Variants in CTNNA1 observed in about 807,000 individuals in gnomAD.
CTNNA1 encodes the protein catenin alpha-1.
Under a neutral mutation model 98.4 loss-of-function variants are expected in CTNNA1, and 37 were observed. The ratio of observed to expected loss-of-function variants is 0.38; its 90% confidence interval spans 0.29 to 0.49. CTNNA1 has a LOEUF of 0.49. CTNNA1 is among the 20% of genes least tolerant of loss of function. The pLI is 0.95. For missense variants in CTNNA1, 761 were observed against 1,147.2 expected, an observed-to-expected ratio of 0.66 and a Z score of 4.86; for synonymous variants, 404 against 413.2, an observed-to-expected ratio of 0.98 and a Z score of 0.27.
intron 5 of CTNNA1, among the ~76,000 whole-genome samples, chr5:138,815,690 T>G (rs2149747207): frequency 6.6e-6 from 1 of 152,164 alleles, no homozygotes; most frequent in East Asian, 1.9e-4. Flanking sequence ...TTATTCTATT[T>G]TTTTCTGCCA....
At chr5:138,782,541 G>A (rs1487277375) in intron 2 of CTNNA1, 2 of 194,248 alleles carry the variant, frequency 1.0e-5, no homozygotes, top group Non-Finnish European at 2.2e-5. Context: ...GAGAGATTCA[G>A]AGAGAGAGAG....
At chr5:138,758,307 T>C (rs2149570408) in intron 1 of CTNNA1, among the ~76,000 whole-genome samples, 1 of 152,280 alleles carries the variant, frequency 6.6e-6, no homozygotes. Context: ...GTTCATGCCG[T>C]TCTCCTGCCT....
chr5:138,788,562 A>T (rs1253416870), intron 3 of CTNNA1, among the ~76,000 whole-genome samples: 1 of 152,052 alleles, frequency 6.6e-6, no homozygotes, highest in African/African-American at 2.4e-5. Flanking sequence ...CCCAAAAGAA[A>T]CCTCATACTC....
At chr5:138,858,127 AAT>A (rs1491581045) in intron 7 of CTNNA1, among the ~76,000 whole-genome samples, 50 of 112,620 alleles carry the variant, frequency 4.4e-4, no homozygotes, top group Non-Finnish European at 1.2e-4. Context: ...AGTTAAAAAA[AAT>A]TTTTTTTTTT....
chr5:138,803,489 A>G (rs1416333891), intron 3 of CTNNA1, among the ~76,000 whole-genome samples: 2 of 152,162 alleles, frequency 1.3e-5, no homozygotes, highest in Admixed American at 6.5e-5. Flanking sequence ...AGTCTTATTT[A>G]TAACTTACTT....
chr5:138,877,354 C>T (rs1475835992), intron 7 of CTNNA1, among the ~76,000 whole-genome samples: 2 of 152,156 alleles, frequency 1.3e-5, no homozygotes, highest in Admixed American at 1.3e-4. Flanking sequence ...GGGTCTCTCA[C>T]CCTAGGTTTC....
chr5:138,912,958 C>T (rs1760967172), intron 10 of CTNNA1, among the ~76,000 whole-genome samples: 1 of 151,954 alleles, frequency 6.6e-6, no homozygotes, highest in South Asian at 2.1e-4. Context: ...TATAGGTTGA[C>T]GTCTCCCATT....
chr5:138,791,923 A>T (rs999765950), intron 3 of CTNNA1, among the ~76,000 whole-genome samples: 3 of 151,616 alleles, frequency 2.0e-5, no homozygotes, highest in African/African-American at 7.3e-5. Flanking sequence ...ACATATGTAT[A>T]CGTGTACTAT....
chr5:138,812,664 A>AT (rs1758956314), intron 5 of CTNNA1, among the ~76,000 whole-genome samples: 3 of 152,126 alleles, frequency 2.0e-5, no homozygotes, highest in Non-Finnish European at 4.4e-5. Flanking sequence ...AATATACTGG[A>AT]ATTATCTCTG....
At chr5:138,781,864 T>C in intron 1 of CTNNA1, 59 bp from the exon 2 acceptor site, 1 of 1,472,302 alleles carries the variant, frequency 6.8e-7, no homozygotes, top group East Asian at 2.4e-5. Flanking sequence ...AGAAGATTTG[T>C]TACATATTTC....
At chr5:138,822,105 A>G (rs1044815917) in intron 5 of CTNNA1, among the ~76,000 whole-genome samples, 10 of 152,200 alleles carry the variant, frequency 6.6e-5, no homozygotes, top group South Asian at 6.2e-4. Flanking sequence ...TACTTTGTAA[A>G]TAGGAGTCTA....
At chr5:138,901,900 A>T (rs1352627880) in intron 9 of CTNNA1, among the ~76,000 whole-genome samples, 2 of 152,152 alleles carry the variant, frequency 1.3e-5, no homozygotes, top group Non-Finnish European at 2.9e-5. Context: ...ATGATGTTGC[A>T]TTTGCACATT....
intron 7 of CTNNA1, among the ~76,000 whole-genome samples, chr5:138,865,732 G>A (rs1286600489): frequency 2.0e-5 from 3 of 152,094 alleles, no homozygotes; most frequent in South Asian, 2.1e-4. Context: ...ATTTTAAGAC[G>A]TTCTTGCATC....
At chr5:138,881,002 A>G (rs184168241) in intron 7 of CTNNA1, 18 of 452,050 alleles carry the variant, frequency 4.0e-5, no homozygotes, top group Admixed American at 2.9e-4. Context: ...AATTTGGCCC[A>G]AAGAGAACAA....
intron 3 of CTNNA1, 22 bp from the exon 4 acceptor site, chr5:138,810,016 T>G: frequency 1.3e-6 from 2 of 1,580,064 alleles, no homozygotes; most frequent in Non-Finnish European, 1.7e-6. Context: ...TTGCTGAGTT[T>G]GTTTTTCATT....
At chr5:138,759,254 A>G (rs568183481) in intron 1 of CTNNA1, among the ~76,000 whole-genome samples, 1 of 152,184 alleles carries the variant, frequency 6.6e-6, no homozygotes, top group East Asian at 1.9e-4. Flanking sequence ...GACTCTTCTC[A>G]TTCCCAGGGT....
At chr5:138,878,063 C>G (rs991948214) in intron 7 of CTNNA1, among the ~76,000 whole-genome samples, 1 of 152,094 alleles carries the variant, frequency 6.6e-6, no homozygotes, top group Non-Finnish European at 1.5e-5. Flanking sequence ...TATCTCAGTA[C>G]TATTATAACA....
intron 7 of CTNNA1, among the ~76,000 whole-genome samples, chr5:138,884,546 A>G: frequency 6.6e-6 from 1 of 152,222 alleles, no homozygotes; most frequent in East Asian, 1.9e-4. Context: ...TTGGGGTAAA[A>G]TAGTTGGATT....
intron 1 of CTNNA1, chr5:138,761,811 G>T (rs1013078426): frequency 6.6e-6 from 1 of 152,316 alleles, no homozygotes; most frequent in African/African-American, 2.4e-5. Flanking sequence ...CTGGAGTGCA[G>T]TGGTGCAATC....
Sources: allele counts gnomAD v4.1 joint callset (sites outside exome capture counted in the v4.1 genomes callset), GRCh38; gene constraint gnomAD v4.1.1; transcripts MANE v1.5; gene names NCBI Gene and HGNC (gene_info 2026-07-23, HGNC 2026-07-21).